The following GRIK1 variants were observed in gnomAD, a reference collection of about 807,000 sequenced individuals.
GRIK1 encodes glutamate receptor ionotropic, kainate 1.
Under a neutral mutation model 105.7 loss-of-function variants are expected in GRIK1, and 69 were observed. That is an observed-to-expected ratio of 0.65 (90% CI 0.54 to 0.80). The LOEUF (loss-of-function observed/expected upper bound fraction) is 0.80, where lower values mean the gene tolerates loss of function less well. GRIK1 is among the 30% of genes least tolerant of loss of function. GRIK1 has a pLI of 0.00. For missense variants in GRIK1, 1,109 were observed against 1,167.3 expected (o/e 0.95, Z 0.73); for synonymous variants, 438 against 431.3 (o/e 1.02, Z -0.19).
rs532486237 is a variant in GRIK1, at chr21:29,629,435, T to A, written c.1098+13391A>T. On this transcript the variant is annotated intron_variant, in intron 7 of 17. Coordinates refer to ENST00000327783, the MANE Select transcript of GRIK1 (RefSeq NM_001330994.2). Reference sequence around the variant, plus strand: ...AAAGAGAATGGGCATGAAAAAAGTTTGCTAAATGGGTTGTTGGAAATTGAA... The same window carrying A: ...AAAGAGAATGGGCATGAAAAAAGTTAGCTAAATGGGTTGTTGGAAATTGAA... Among the ~76,000 whole-genome samples, 30 of 152,138 alleles carry A rather than the reference T, an allele frequency of 2.0e-4. No individual in the cohort carries two copies. The South Asian group carries it at 5.8e-3, about 30-fold the overall frequency.
At position 29,928,257 on chromosome 21, in the gene GRIK1, CT is replaced by C. The variant is rs2071451424; in HGVS notation, c.118+11125del. 2.0e-5 allele frequency among the ~76,000 whole-genome samples: 3 copies of C among 152,286 alleles called. No homozygotes were observed. The South Asian group carries it at 6.2e-4, about 32-fold the overall frequency. On this transcript the variant is annotated intron_variant, in intron 1 of 17. Coordinates refer to ENST00000327783, the MANE Select transcript of GRIK1 (RefSeq NM_001330994.2). ...TTTAAAAAGTTTATTGTTTTTGTTG[CT>C]TCTTTCGTTGCTGCTTTAATTTTTA...
At chr21:29,692,808 C>T (rs774240925) in intron 2 of GRIK1, among the ~76,000 whole-genome samples, 13 of 152,320 alleles carry the variant, frequency 8.5e-5, no homozygotes, top group South Asian at 8.3e-4. Context: ...CTCCTGACCT[C>T]GTGATCCACC....
intron 12 of GRIK1, among the ~76,000 whole-genome samples, chr21:29,584,282 A>T (rs2091083898): frequency 6.6e-6 from 1 of 152,094 alleles, no homozygotes; most frequent in South Asian, 2.1e-4. Flanking sequence ...TTGTAACCAT[A>T]GAATTTACTT....
intron 1 of GRIK1, among the ~76,000 whole-genome samples, chr21:29,855,497 G>A (rs2068435975): frequency 2.0e-5 from 3 of 152,182 alleles, no homozygotes; most frequent in Non-Finnish European, 4.4e-5. Context: ...TAAGAAATAA[G>A]CCCAGCATCT....
intron 7 of GRIK1, among the ~76,000 whole-genome samples, chr21:29,600,350 C>G (rs2061495988): frequency 6.6e-6 from 1 of 152,110 alleles, no homozygotes; most frequent in African/African-American, 2.4e-5. Flanking sequence ...AATAGTCTGC[C>G]TTTCACAGAA....
intron 1 of GRIK1, among the ~76,000 whole-genome samples, chr21:29,849,033 C>T (rs982484374): frequency 6.6e-6 from 1 of 151,920 alleles, no homozygotes; most frequent in Admixed American, 6.6e-5. Flanking sequence ...CCAAGGTCTA[C>T]AAACACACAT....
chr21:29,684,792 G>A (rs2063456944), intron 3 of GRIK1, among the ~76,000 whole-genome samples: 1 of 152,036 alleles, frequency 6.6e-6, no homozygotes, highest in African/African-American at 2.4e-5. Context: ...TTATAGGCGT[G>A]AGCCACCACA....
intron 13 of GRIK1, among the ~76,000 whole-genome samples, chr21:29,579,174 G>A (rs1038138030): frequency 1.3e-5 from 2 of 152,178 alleles, no homozygotes; most frequent in Non-Finnish European, 2.9e-5. Context: ...TAATAAAAAT[G>A]TTAATAGAAA....
intron 1 of GRIK1, among the ~76,000 whole-genome samples, chr21:29,771,370 A>G (rs1422680308): frequency 6.6e-6 from 1 of 152,224 alleles, no homozygotes; most frequent in Non-Finnish European, 1.5e-5. Context: ...TAAGAGAAAT[A>G]AAATATAAGC....
At chr21:29,633,043 C>A (rs561312818) in intron 7 of GRIK1, among the ~76,000 whole-genome samples, 2 of 152,250 alleles carry the variant, frequency 1.3e-5, no homozygotes, top group African/African-American at 4.8e-5. Flanking sequence ...GAGGCTGGAG[C>A]CTTAATGAAT....
chr21:29,589,961 A>G (rs1000294890), intron 10 of GRIK1, among the ~76,000 whole-genome samples: 2 of 152,074 alleles, frequency 1.3e-5, no homozygotes, highest in Non-Finnish European at 2.9e-5. Flanking sequence ...AAATCACCTC[A>G]AATCTCACAT....
chr21:29,621,002 G>T (rs992893401), intron 7 of GRIK1, among the ~76,000 whole-genome samples: 7 of 150,002 alleles, frequency 4.7e-5, no homozygotes, highest in African/African-American at 1.5e-4. Context: ...ATCTTATATT[G>T]CTCTAGGAAA....
chr21:29,608,439 A>C (rs1310329153), intron 7 of GRIK1, among the ~76,000 whole-genome samples: 1 of 152,154 alleles, frequency 6.6e-6, no homozygotes, highest in Non-Finnish European at 1.5e-5. Flanking sequence ...GAAATGTGTT[A>C]AAATTTTGGC....
intron 1 of GRIK1, among the ~76,000 whole-genome samples, chr21:29,893,725 C>T (rs1011180848): frequency 4.6e-5 from 7 of 152,124 alleles, no homozygotes; most frequent in African/African-American, 1.4e-4. Flanking sequence ...ACAGCTCCTT[C>T]CCTCAAGAAT....
intron 3 of GRIK1, among the ~76,000 whole-genome samples, chr21:29,678,404 G>T (rs1329170149): frequency 6.6e-6 from 1 of 152,106 alleles, no homozygotes; most frequent in Non-Finnish European, 1.5e-5. Flanking sequence ...TGTGTACCTT[G>T]GTTACAAAGG....
chr21:29,551,034 A>G (rs886783372), intron 16 of GRIK1, among the ~76,000 whole-genome samples: 1 of 152,174 alleles, frequency 6.6e-6, no homozygotes, highest in African/African-American at 2.4e-5. Flanking sequence ...TTATGGGATG[A>G]GATTCACATG....
rs369585024 is a variant in GRIK1 at position 29,871,514 on chromosome 21, T to C, written c.118+67869A>G. 4.2e-4 allele frequency among the ~76,000 whole-genome samples: 64 copies of C among 152,248 alleles called. No homozygotes were observed. The East Asian group carries it at 8.1e-3, about 19-fold the overall frequency. The stretch of plus-strand genomic sequence containing the variant: ...TGAGTTCGACCTAAAATTTTCACTA[T>C]GTAAGTGGACCGGGAACAGAAAGAT... On this transcript the variant is annotated intron_variant, in intron 1 of 17. Transcript: ENST00000327783.
intron 15 of GRIK1, among the ~76,000 whole-genome samples, chr21:29,558,902 C>T (rs994246836): frequency 6.6e-6 from 1 of 152,034 alleles, no homozygotes; most frequent in Non-Finnish European, 1.5e-5. Flanking sequence ...GAAATTTTAG[C>T]TTTCAAGTTA....
At chr21:29,836,745 T>A (rs1046974144) in intron 1 of GRIK1, among the ~76,000 whole-genome samples, 1 of 152,196 alleles carries the variant, frequency 6.6e-6, no homozygotes, top group African/African-American at 2.4e-5. Context: ...AAATATTACA[T>A]TAAATTCTAA....
Sources: allele counts gnomAD v4.1 joint callset (sites outside exome capture counted in the v4.1 genomes callset), GRCh38; gene constraint gnomAD v4.1.1; transcripts MANE v1.5; gene names NCBI Gene and HGNC (gene_info 2026-07-23, HGNC 2026-07-21).